CSMD1: variants seen among roughly 807,000 people sequenced by gnomAD.
CSMD1 encodes CUB and sushi domain-containing protein 1.
In CSMD1, 213 loss-of-function variants were observed where a neutral mutation model predicts 417.5. That is an observed-to-expected ratio of 0.51 (90% CI 0.46 to 0.57). The LOEUF (loss-of-function observed/expected upper bound fraction) is 0.57. CSMD1 is among the 20% of genes least tolerant of loss of function. The pLI is 0.00. For missense variants in CSMD1, 6,923 were observed against 4,529.7 expected, an observed-to-expected ratio of 1.53 and a Z score of -15.17; for synonymous variants, 2,862 against 1,736.8, an observed-to-expected ratio of 1.65 and a Z score of -16.11.
At chr8:3,722,129 G>C (rs1283776615) in intron 6 of CSMD1, among the ~76,000 whole-genome samples, 66 of 152,138 alleles carry the variant, frequency 4.3e-4, no homozygotes, top group Non-Finnish European at 2.2e-4. Flanking sequence ...GATCACTTGA[G>C]GTCAGGAATT....
At chr8:3,578,870 T>C (rs1175048196) in intron 9 of CSMD1, among the ~76,000 whole-genome samples, 1 of 152,226 alleles carries the variant, frequency 6.6e-6, no homozygotes, top group Non-Finnish European at 1.5e-5. Context: ...AACTACAGTA[T>C]ACCAGTGCCA....
chr8:3,293,780 C>G (rs1009038598), intron 25 of CSMD1, among the ~76,000 whole-genome samples: 1 of 152,194 alleles, frequency 6.6e-6, no homozygotes, highest in African/African-American at 2.4e-5. Flanking sequence ...CAAACTTCCT[C>G]CTGTAGCTCA....
At chr8:3,720,063 A>G (rs1012441675) in intron 6 of CSMD1, among the ~76,000 whole-genome samples, 43 of 152,352 alleles carry the variant, frequency 2.8e-4, no homozygotes, top group African/African-American at 9.9e-4. Flanking sequence ...CATGGAAAAT[A>G]CTTCTCAGAA....
chr8:3,329,376 G>T (rs1806743444), intron 23 of CSMD1, among the ~76,000 whole-genome samples: 1 of 151,986 alleles, frequency 6.6e-6, no homozygotes, highest in African/African-American at 2.4e-5. Flanking sequence ...CAGGAGAAAG[G>T]AATGATAAGC....
chr8:3,743,085 A>G (rs1220959200), intron 6 of CSMD1, among the ~76,000 whole-genome samples: 1 of 152,130 alleles, frequency 6.6e-6, no homozygotes, highest in Non-Finnish European at 1.5e-5. Flanking sequence ...GCTCCATCTC[A>G]CTGCTGGATA....
rs189751525 is a variant in CSMD1 at position 3,477,476 on chromosome 8, C to G, written c.1449-8652G>C. ...ACTACTTGCCTTAATTGGGTAGACACAGGGTGAGCTGGAGATTAATAAGGA... is the reference window on the plus strand; with the variant it reads ...ACTACTTGCCTTAATTGGGTAGACAGAGGGTGAGCTGGAGATTAATAAGGA... On this transcript the variant is annotated intron_variant, in intron 11 of 69. Coordinates refer to ENST00000635120, the MANE Select transcript of CSMD1 (RefSeq NM_033225.6). 3.0e-3 allele frequency among the ~76,000 whole-genome samples: 453 copies of G among 152,224 alleles called. 13 individuals are homozygous for G. Among genetic ancestry groups the G allele is most frequent in the African/African-American group, 9.7e-3 (402 of 41,514 alleles).
chr8:4,889,193 C>T (rs755400858), intron 1 of CSMD1, among the ~76,000 whole-genome samples: 3 of 151,950 alleles, frequency 2.0e-5, no homozygotes, highest in Non-Finnish European at 2.9e-5. Flanking sequence ...ACAGACATGC[C>T]CCAACCAAGT....
intron 1 of CSMD1, among the ~76,000 whole-genome samples, chr8:4,688,878 A>G (rs1806576536): frequency 6.6e-6 from 1 of 152,192 alleles, no homozygotes. Context: ...CATAAATTCT[A>G]TAACTCACGT....
chr8:4,404,503 G>T (rs535038268), intron 3 of CSMD1, among the ~76,000 whole-genome samples: 1 of 152,142 alleles, frequency 6.6e-6, no homozygotes, highest in Non-Finnish European at 1.5e-5. Context: ...ACAAAGATGA[G>T]CAGTGGGGGG....
chr8:3,605,759 T>G (rs1011039638), intron 8 of CSMD1, among the ~76,000 whole-genome samples: 4 of 152,222 alleles, frequency 2.6e-5, no homozygotes, highest in African/African-American at 7.2e-5. Flanking sequence ...ATACATTAAC[T>G]ATTCAGTTTT....
intron 10 of CSMD1, among the ~76,000 whole-genome samples, chr8:3,554,978 G>T (rs1799080402): frequency 6.6e-6 from 1 of 152,044 alleles, no homozygotes; most frequent in African/African-American, 2.4e-5. Context: ...CTGGGCTCTT[G>T]TCAGAAGCAG....
chr8:4,114,078 A>G (rs1344905983), intron 3 of CSMD1, among the ~76,000 whole-genome samples: 1 of 152,236 alleles, frequency 6.6e-6, no homozygotes, highest in Non-Finnish European at 1.5e-5. Flanking sequence ...CATGTAGACA[A>G]AACAGCCTTA....
chr8:4,729,945 C>G (rs911201062), intron 1 of CSMD1, among the ~76,000 whole-genome samples: 3 of 152,116 alleles, frequency 2.0e-5, no homozygotes, highest in Non-Finnish European at 4.4e-5. Flanking sequence ...ATGACTTGTG[C>G]GCACACACTG....
chr8:3,935,420 G>C (rs1236290723), intron 5 of CSMD1, among the ~76,000 whole-genome samples: 1 of 152,082 alleles, frequency 6.6e-6, no homozygotes, highest in Non-Finnish European at 1.5e-5. Flanking sequence ...AAATAACTGG[G>C]TTTTTGAAAA....
intron 8 of CSMD1, among the ~76,000 whole-genome samples, chr8:3,606,243 G>A (rs1474174007): frequency 1.3e-5 from 2 of 152,094 alleles, no homozygotes; most frequent in Non-Finnish European, 2.9e-5. Flanking sequence ...TGTGAGAAAT[G>A]CATTGTTAGG....
At chr8:4,790,201 A>C (rs1427530248) in intron 1 of CSMD1, among the ~76,000 whole-genome samples, 1 of 152,194 alleles carries the variant, frequency 6.6e-6, no homozygotes, top group Non-Finnish European at 1.5e-5. Flanking sequence ...CCAAGCTGAG[A>C]GCCAAATCTG....
At position 4,266,600 on chromosome 8, in the gene CSMD1, C is replaced by A. The variant is rs1169528472; in HGVS notation, c.415+153353G>T. The stretch of plus-strand genomic sequence containing the variant: ...AGTACACCATACAGGTATGTCCCCA[C>A]TAATGGCGTAAAGTGACCTGTCCTG... On this transcript the variant is annotated intron_variant, in intron 3 of 69. Transcript: ENST00000635120. 3.8e-5 allele frequency among the ~76,000 whole-genome samples: 4 copies of A among 105,082 alleles called. 1 individual carries two copies. Among genetic ancestry groups the A allele is most frequent in the Non-Finnish European group, 1.0e-4 (4 of 38,964 alleles). The allele number at this position is 105,082 out of a possible 152,430, so 68.9% of individuals were successfully genotyped here. A position where few individuals can be genotyped will look rare whatever the true frequency, so the allele number is the denominator to read the frequency against.
At chr8:4,971,679 C>A (rs1810248566) in intron 1 of CSMD1, among the ~76,000 whole-genome samples, 1 of 116,760 alleles carries the variant, frequency 8.6e-6, no homozygotes, top group Non-Finnish European at 1.8e-5. Context: ...TGACTGAGAA[C>A]TATTCTGAAA....
intron 1 of CSMD1, among the ~76,000 whole-genome samples, chr8:4,956,759 G>C (rs1329798352): frequency 6.6e-6 from 1 of 152,116 alleles, no homozygotes; most frequent in Non-Finnish European, 1.5e-5. Flanking sequence ...TCCAGGGAAT[G>C]GAGACTTCAC....
Sources: allele counts gnomAD v4.1 joint callset (sites outside exome capture counted in the v4.1 genomes callset), GRCh38; gene constraint gnomAD v4.1.1; transcripts MANE v1.5; gene names NCBI Gene and HGNC (gene_info 2026-07-23, HGNC 2026-07-21).